Variants in RABGAP1L observed in about 807,000 individuals in gnomAD.
RABGAP1L encodes rab GTPase-activating protein 1-like.
A neutral mutation model predicts 137.7 loss-of-function variants in RABGAP1L; 63 were observed. The observed-to-expected ratio is 0.46, with a 90% CI of 0.37 to 0.56. RABGAP1L has a LOEUF of 0.56. Among genes scored for constraint, RABGAP1L ranks in the 20% least tolerant of loss-of-function variants. The pLI is 0.00. For synonymous variants in RABGAP1L, 431 were observed against 433.7 expected (o/e 0.99, Z 0.08); for missense variants, 1,095 against 1,244.0 (o/e 0.88, Z 1.80).
chr1:174,460,366 A>G (rs1656542722), intron 13 of RABGAP1L, among the ~76,000 whole-genome samples: 1 of 152,084 alleles, frequency 6.6e-6, no homozygotes. Context: ...CTACCCAAAT[A>G]TAATTAGGTG....
At chr1:174,195,767 C>CT (rs1558021956) in intron 1 of RABGAP1L, among the ~76,000 whole-genome samples, 2 of 129,814 alleles carry the variant, frequency 1.5e-5, no homozygotes. Flanking sequence ...TTCTCTCTTT[C>CT]TCTCTTTCCT....
chr1:174,547,453 C>CA (rs1159810541), intron 13 of RABGAP1L, among the ~76,000 whole-genome samples: 1 of 151,878 alleles, frequency 6.6e-6, no homozygotes, highest in Non-Finnish European at 1.5e-5. Flanking sequence ...CTCATCTCTG[C>CA]AAAAAAATAA....
chr1:174,673,976 G>A (rs1276798607), intron 14 of RABGAP1L, among the ~76,000 whole-genome samples: 4 of 151,786 alleles, frequency 2.6e-5, no homozygotes, highest in Non-Finnish European at 4.4e-5. Context: ...CAAGGAAAAT[G>A]AGCAAAGGAT....
chr1:174,387,350 A>G (rs1686880079), intron 12 of RABGAP1L, among the ~76,000 whole-genome samples: 1 of 152,252 alleles, frequency 6.6e-6, no homozygotes. Context: ...ACCATGTTAT[A>G]GAGGCATGCA....
At chr1:174,830,779 C>A (rs1427096843) in intron 19 of RABGAP1L, among the ~76,000 whole-genome samples, 1 of 148,078 alleles carries the variant, frequency 6.8e-6, no homozygotes, top group Non-Finnish European at 1.5e-5. Flanking sequence ...ACCTGGTGAG[C>A]TGTTATTTTT....
intron 13 of RABGAP1L, among the ~76,000 whole-genome samples, chr1:174,541,504 G>A (rs1001725104): frequency 2.6e-5 from 4 of 152,138 alleles, no homozygotes; most frequent in South Asian, 4.2e-4. Flanking sequence ...GGCCGGGTGC[G>A]GTGGCTCACC....
chr1:174,291,424 T>C (rs1056843833), intron 10 of RABGAP1L, among the ~76,000 whole-genome samples: 1 of 152,166 alleles, frequency 6.6e-6, no homozygotes, highest in African/African-American at 2.4e-5. Context: ...ATAGTTTTCT[T>C]ATAATGTCTT....
intron 7 of RABGAP1L, among the ~76,000 whole-genome samples, chr1:174,270,105 T>C (rs1224500815): frequency 6.6e-6 from 1 of 152,086 alleles, no homozygotes; most frequent in African/African-American, 2.4e-5. Flanking sequence ...TTAAAGTTCA[T>C]GTATTATACC....
rs536165739 is a variant in RABGAP1L at position 174,164,643 on chromosome 1, G to A, written c.-34+4986G>A. On this transcript the variant is annotated intron_variant, in intron 1 of 25. Transcript: ENST00000681986. ...ATTTACACCAGGAAATTCAGCAAAT[G>A]GTATTCTTAGGGCTTCCCTCCTCAT... is the stretch of plus-strand genomic sequence containing the variant. Among the ~76,000 whole-genome samples the A allele has an allele frequency of 2.2e-4, 34 of 152,210 alleles. No individual in the cohort carries two copies. The South Asian group carries it at 6.8e-3, about 31-fold the overall frequency.
At chr1:174,909,026 A>C (rs75475292) in intron 19 of RABGAP1L, among the ~76,000 whole-genome samples, 5 of 133,046 alleles carry the variant, frequency 3.8e-5, no homozygotes, top group African/African-American at 8.4e-5. Context: ...ACAAAAAAAA[A>C]CCATTAACCA....
chr1:174,334,150 T>C (rs1681272678), intron 11 of RABGAP1L, among the ~76,000 whole-genome samples: 1 of 152,244 alleles, frequency 6.6e-6, no homozygotes, highest in South Asian at 2.1e-4. Flanking sequence ...CTTCTTTCTT[T>C]TCTGTTGTAT....
intron 11 of RABGAP1L, among the ~76,000 whole-genome samples, chr1:174,319,057 T>G (rs1043819706): frequency 1.3e-5 from 2 of 152,112 alleles, no homozygotes; most frequent in African/African-American, 4.8e-5. Context: ...TATTTGCATA[T>G]TTGTACTTAC....
At chr1:174,376,133 AGAGAAAGAGAGAAGGAAG>A (rs1685521638) in intron 12 of RABGAP1L, among the ~76,000 whole-genome samples, 1 of 151,420 alleles carries the variant, frequency 6.6e-6, no homozygotes, top group East Asian at 1.9e-4. Context: ...AGAGAGAGAT[AGAGAAAGAGAGAAGGAAG>A]GAGAGAGAGA....
intron 13 of RABGAP1L, among the ~76,000 whole-genome samples, chr1:174,427,431 C>T (rs994755403): frequency 6.6e-6 from 1 of 152,054 alleles, no homozygotes; most frequent in Non-Finnish European, 1.5e-5. Flanking sequence ...TGTATTTATT[C>T]TTTCCTTTCC....
chr1:174,565,884 AT>A (rs776033808), intron 13 of RABGAP1L, among the ~76,000 whole-genome samples: 14,983 of 132,544 alleles, frequency 0.11, 713 homozygotes, highest in Middle Eastern at 0.2. Context: ...AATCCTTTAC[AT>A]TTTTTTTTTT....
At chr1:174,522,280 A>G (rs1307849865) in intron 13 of RABGAP1L, among the ~76,000 whole-genome samples, 4 of 152,190 alleles carry the variant, frequency 2.6e-5, no homozygotes, top group Non-Finnish European at 2.9e-5. Context: ...TTGCATTGCT[A>G]TAAAGAAATA....
At chr1:174,506,561 A>G (rs1008405403) in intron 13 of RABGAP1L, among the ~76,000 whole-genome samples, 1 of 152,284 alleles carries the variant, frequency 6.6e-6, no homozygotes, top group African/African-American at 2.4e-5. Flanking sequence ...TACAATAGCT[A>G]CAAAAAATAG....
chr1:174,293,557 T>G (rs1432872428), intron 10 of RABGAP1L, among the ~76,000 whole-genome samples: 1 of 152,194 alleles, frequency 6.6e-6, no homozygotes, highest in African/African-American at 2.4e-5. Context: ...CTAGTTGTAT[T>G]GTCCTTATTG....
intron 20 of RABGAP1L, among the ~76,000 whole-genome samples, chr1:174,960,223 T>A (rs969130093): frequency 6.6e-6 from 1 of 152,198 alleles, no homozygotes; most frequent in African/African-American, 2.4e-5. Context: ...ATAAGATATT[T>A]TAAGAGGTAT....
Sources: allele counts gnomAD v4.1 joint callset (sites outside exome capture counted in the v4.1 genomes callset), GRCh38; gene constraint gnomAD v4.1.1; transcripts MANE v1.5; gene names NCBI Gene and HGNC (gene_info 2026-07-23, HGNC 2026-07-21).